Variants in IQSEC1 observed in about 807,000 individuals in gnomAD.
The protein encoded by IQSEC1 is IQ motif and SEC7 domain-containing protein 1.
IQSEC1 carries 31 observed loss-of-function variants against 91.0 expected under a neutral mutation model. The observed-to-expected ratio is 0.34, with a 90% CI of 0.26 to 0.46. IQSEC1 has a LOEUF of 0.46. Ranked by LOEUF, IQSEC1 falls within the 20% of genes least tolerant of loss-of-function variation. The pLI is 1.00. For synonymous variants in IQSEC1, 699 were observed against 662.6 expected (o/e 1.05, Z -0.84); for missense variants, 1,388 against 1,575.6 (o/e 0.88, Z 2.02).
At chr3:12,950,621 A>G (rs1343991836) in intron 1 of IQSEC1, among the ~76,000 whole-genome samples, 1 of 151,614 alleles carries the variant, frequency 6.6e-6, no homozygotes, top group East Asian at 1.9e-4. Flanking sequence ...AGCCTGGATA[A>G]CATAATGAGA....
intron 1 of IQSEC1, among the ~76,000 whole-genome samples, chr3:13,012,183 T>C (rs1306461359): frequency 1.2e-4 from 18 of 152,194 alleles, no homozygotes; most frequent in Non-Finnish European, 5.9e-5. Flanking sequence ...ACCCCCGGCA[T>C]GGCCCAAGAA....
At chr3:13,246,556 C>T (rs1695111363) in intron 1 of IQSEC1, among the ~76,000 whole-genome samples, 1 of 152,164 alleles carries the variant, frequency 6.6e-6, no homozygotes, top group Admixed American at 6.6e-5. Context: ...AAGCAAAAAA[C>T]CCCACAGTAG....
At chr3:13,200,103 A>G (rs534292949) in intron 1 of IQSEC1, among the ~76,000 whole-genome samples, 3 of 149,068 alleles carry the variant, frequency 2.0e-5, no homozygotes, top group South Asian at 4.3e-4. Context: ...ATGCGCGCGC[A>G]CGCACACACA....
At chr3:13,022,162 G>C (rs1224529503) in intron 1 of IQSEC1, 2 of 1,231,650 alleles carry the variant, frequency 1.6e-6, no homozygotes, top group Non-Finnish European at 2.0e-6. Flanking sequence ...ACCACCCAGA[G>C]TCTCCTCCTG....
chr3:13,074,408 C>T (rs539932090), upstream of IQSEC1, among the ~76,000 whole-genome samples: 170 of 152,162 alleles, frequency 1.1e-3, no homozygotes, highest in Non-Finnish European at 2.2e-3. Flanking sequence ...CTCCCACACC[C>T]GCCTTTCCCA....
At chr3:13,238,896 C>T (rs919777575) in intron 1 of IQSEC1, among the ~76,000 whole-genome samples, 2 of 152,336 alleles carry the variant, frequency 1.3e-5, no homozygotes, top group African/African-American at 4.8e-5. Context: ...ACATGCTTCT[C>T]CTAAGGAGCT....
chr3:13,060,147 C>A (rs1705014723), intron 1 of IQSEC1, among the ~76,000 whole-genome samples: 1 of 152,138 alleles, frequency 6.6e-6, no homozygotes, highest in Non-Finnish European at 1.5e-5. Context: ...TCCCACCTCG[C>A]AGAGGAACAA....
chr3:12,961,962 A>T (rs1318545944), intron 1 of IQSEC1, among the ~76,000 whole-genome samples: 1 of 152,252 alleles, frequency 6.6e-6, no homozygotes, highest in Non-Finnish European at 1.5e-5. Flanking sequence ...CTGACTACAG[A>T]ATCTGCCTCC....
At chr3:13,162,902 C>A (rs574269116) in intron 2 of IQSEC1, among the ~76,000 whole-genome samples, 1 of 152,064 alleles carries the variant, frequency 6.6e-6, no homozygotes, top group African/African-American at 2.4e-5. Flanking sequence ...CCGGGCATCC[C>A]CCCCTTATCC....
Position 12,900,919 on chromosome 3 carries a change from C to T in IQSEC1, c.*64G>A, listed in dbSNP as rs891998788. On this transcript the variant is annotated 3_prime_UTR_variant, in exon 14 of 14. Transcript: ENST00000613206. ...CCGGGTTTGGTGTGCGGCTGGCGACCCCCGGGCGTGCCCTGTGTGGTGTGC... is the reference window on the plus strand; with the variant it reads ...CCGGGTTTGGTGTGCGGCTGGCGACTCCCGGGCGTGCCCTGTGTGGTGTGC... 3.9e-6 allele frequency: 6 copies of T among 1,536,770 alleles called. No individual in the cohort carries two copies. Among genetic ancestry groups the T allele is most frequent in the Non-Finnish European group, 5.2e-6 (6 of 1,146,574 alleles).
chr3:13,217,849 C>T (rs1694579154), intron 1 of IQSEC1, among the ~76,000 whole-genome samples: 1 of 152,180 alleles, frequency 6.6e-6, no homozygotes, highest in Non-Finnish European at 1.5e-5. Flanking sequence ...CATTCTTGCT[C>T]CAGACTCTTG....
In IQSEC1 at chr3:12,924,604, C is replaced by G; in HGVS notation, c.1707G>C (p.Lys569Asn). ...ACTCGAGCACGTCACGGTTGAACTG[C>G]TTCTGCCGGTTGCCCAGGAACTCGC... Reference protein sequence around the residue: ...MIGEFLGNRQKQFNRDVLDCV... With the variant: ...MIGEFLGNRQNQFNRDVLDCV... Residue 569 changes from lysine (K) to asparagine (N), a missense_variant, in exon 4 of 14, where the codon AAG becomes AAC. Physicochemically the swap from Lys to Asn is moderately conservative, Grantham distance 94 (BLOSUM62 0). Transcript: ENST00000613206. This position sits in a 1 kb window ranked among gnomAD's most constrained non-coding sequence, Gnocchi z 6.3. The G allele has an allele frequency of 6.2e-7, 1 of 1,608,278 alleles. No individual in the cohort carries two copies. Among genetic ancestry groups the G allele is most frequent in the Non-Finnish European group, 8.5e-7 (1 of 1,176,724 alleles).
chr3:13,180,520 A>G (rs1407453045), intron 1 of IQSEC1, among the ~76,000 whole-genome samples: 1 of 152,150 alleles, frequency 6.6e-6, no homozygotes, highest in Non-Finnish European at 1.5e-5. Flanking sequence ...GGGTGGGGCC[A>G]GATAAGAGAA....
At chr3:12,901,556 AG>A in intron 13 of IQSEC1, 34 bp from the exon 14 acceptor site, 2 of 1,506,370 alleles carry the variant, frequency 1.3e-6, no homozygotes, top group Non-Finnish European at 1.8e-6. Flanking sequence ...CAAAATTAAA[AG>A]ATCTTCAAGC....
intron 1 of IQSEC1, among the ~76,000 whole-genome samples, chr3:13,043,214 G>A (rs979597228): frequency 3.3e-5 from 5 of 152,212 alleles, no homozygotes; most frequent in Non-Finnish European, 7.3e-5. Flanking sequence ...TTGGGCAGAG[G>A]GACCCCAGGC....
chr3:13,013,674 A>G (rs932158318), intron 1 of IQSEC1, among the ~76,000 whole-genome samples: 11 of 152,166 alleles, frequency 7.2e-5, no homozygotes, highest in Non-Finnish European at 1.6e-4. Flanking sequence ...TCATGCATGC[A>G]TTGCGTTAGT....
At chr3:13,172,701 G>A (rs1365882901) in intron 1 of IQSEC1, among the ~76,000 whole-genome samples, 1 of 152,216 alleles carries the variant, frequency 6.6e-6, no homozygotes, top group African/African-American at 2.4e-5. Flanking sequence ...TCCCCTGGGT[G>A]CAGATGAGGG....
intron 1 of IQSEC1, among the ~76,000 whole-genome samples, chr3:12,962,460 G>C (rs1700301615): frequency 6.6e-6 from 1 of 152,204 alleles, no homozygotes; most frequent in Admixed American, 6.5e-5. Flanking sequence ...CAGTTTGTGT[G>C]AATGAGGAGG....
intron 6 of IQSEC1, among the ~76,000 whole-genome samples, chr3:12,920,101 A>G (rs1383488470): frequency 1.3e-5 from 2 of 152,238 alleles, no homozygotes; most frequent in African/African-American, 4.8e-5. Flanking sequence ...CTTTTAAAAT[A>G]TATACTTTTA....
Sources: allele counts gnomAD v4.1 joint callset (sites outside exome capture counted in the v4.1 genomes callset), GRCh38; gene constraint gnomAD v4.1.1; non-coding constraint Gnocchi (gnomAD v3.1); transcripts MANE v1.5; gene names NCBI Gene and HGNC (gene_info 2026-07-23, HGNC 2026-07-21).